The following RAB5C variants were observed in gnomAD, a reference collection of about 807,000 sequenced individuals.
RAB5C encodes the protein ras-related protein Rab-5C.
A neutral mutation model predicts 25.2 loss-of-function variants in RAB5C; 4 were observed. That is an observed-to-expected ratio of 0.16 (90% CI 0.08 to 0.36). The LOEUF is 0.36. RAB5C is among the 10% of genes least tolerant of loss of function. The pLI is 1.00. For missense variants in RAB5C, 199 were observed against 283.8 expected, an observed-to-expected ratio of 0.70 and a Z score of 2.15; for synonymous variants, 100 against 106.4, an observed-to-expected ratio of 0.94 and a Z score of 0.37.
At chr17:42,127,925 T>G (rs2144061022) in intron 4 of RAB5C, among the ~76,000 whole-genome samples, 1 of 149,402 alleles carries the variant, frequency 6.7e-6, no homozygotes, top group South Asian at 2.2e-4. Context: ...GCTCAAACAA[T>G]CCTCGTGCCT....
chr17:42,146,452 C>CA (rs2079635630), intron 1 of RAB5C, among the ~76,000 whole-genome samples: 2 of 152,018 alleles, frequency 1.3e-5, no homozygotes, highest in South Asian at 4.2e-4. Context: ...CCCGTCTCTA[C>CA]AAAAAAATCA....
intron 1 of RAB5C, among the ~76,000 whole-genome samples, chr17:42,144,350 G>A (rs913105783): frequency 6.6e-6 from 1 of 151,966 alleles, no homozygotes; most frequent in South Asian, 2.1e-4. Flanking sequence ...CCAGCTACTC[G>A]GGAGGCTCAG....
chr17:42,142,705 G>C (rs2079610286), intron 1 of RAB5C, among the ~76,000 whole-genome samples: 1 of 152,198 alleles, frequency 6.6e-6, no homozygotes, highest in Non-Finnish European at 1.5e-5. Context: ...TCCCAAGTTA[G>C]TGTTTCCAGC....
intron 1 of RAB5C, among the ~76,000 whole-genome samples, chr17:42,140,515 ATTTTTTTTTTTTTTTT>A (rs10553272): frequency 2.6e-4 from 7 of 26,634 alleles, no homozygotes; most frequent in African/African-American, 1.0e-3. Flanking sequence ...ATATATATAT[ATTTTTTTTTTTTTTTT>A]TTTTTTTTTT....
chr17:42,133,874 C>T (rs1353795914), intron 1 of RAB5C, among the ~76,000 whole-genome samples: 1 of 152,182 alleles, frequency 6.6e-6, no homozygotes, highest in Non-Finnish European at 1.5e-5. Context: ...GGTGAACAGA[C>T]TCTGGCCATC....
chr17:42,130,422 C>T lies in RAB5C; in HGVS notation c.81G>A (p.Leu27=). 6.2e-7 allele frequency: 1 copy of T among 1,614,192 alleles called. No homozygotes were observed. The highest frequency in any genetic ancestry group is 1.3e-5 in the African/African-American group (1 of 75,050). ...NKICQFKLVL[L]GESAVGKSSL... is the part of the protein sequence containing the mutation. ...TGGATTTGCCTACCGCAGACTCCCC[C>T]AGCAGAACCAGCTTAAATTGACAGA... is the stretch of plus-strand genomic sequence containing the variant. The change falls in exon 2 of 6, where the codon CTG becomes CTA. Residue 27 remains leucine (L), a synonymous_variant. Coordinates refer to ENST00000346213, the MANE Select transcript of RAB5C (RefSeq NM_004583.4).
chr17:42,141,128 A>G (rs1344467159), intron 1 of RAB5C, among the ~76,000 whole-genome samples: 1 of 152,134 alleles, frequency 6.6e-6, no homozygotes, highest in Non-Finnish European at 1.5e-5. Context: ...TGTGTCTGCC[A>G]TCTTTCTTAA....
At chr17:42,142,276 C>A (rs1279413528) in intron 1 of RAB5C, among the ~76,000 whole-genome samples, 1 of 151,834 alleles carries the variant, frequency 6.6e-6, no homozygotes, top group Non-Finnish European at 1.5e-5. Context: ...CTCAAGCAAT[C>A]CCCCCGCCTT....
chr17:42,127,789 A>C (rs758377702), intron 4 of RAB5C, among the ~76,000 whole-genome samples: 8 of 149,028 alleles, frequency 5.4e-5, no homozygotes, highest in African/African-American at 9.9e-5. Context: ...CAGCCTGCAG[A>C]GTATTGGGAT....
At chr17:42,131,488 A>G in intron 1 of RAB5C, 1 of 1,001,738 alleles carries the variant, frequency 1.0e-6, no homozygotes. Flanking sequence ...AGAAATACAC[A>G]CCAAAACAGA....
intron 1 of RAB5C, among the ~76,000 whole-genome samples, chr17:42,142,069 TAGCTCCCAAAACC>T (rs1230738147): frequency 6.6e-6 from 1 of 151,476 alleles, no homozygotes; most frequent in Non-Finnish European, 1.5e-5. Context: ...CTCCAGAGAC[TAGCTCCCAAAACC>T]ACAAAAATGG....
chr17:42,146,681 G>A (rs1054988861), intron 1 of RAB5C, among the ~76,000 whole-genome samples: 5 of 150,736 alleles, frequency 3.3e-5, no homozygotes, highest in Admixed American at 2.0e-4. Context: ...CCCAGGAGAC[G>A]GAGGTTGCAG....
chr17:42,134,373 C>T (rs2054515497), intron 1 of RAB5C, among the ~76,000 whole-genome samples: 1 of 152,084 alleles, frequency 6.6e-6, no homozygotes, highest in African/African-American at 2.4e-5. Flanking sequence ...TTCTTTGAGA[C>T]AAAAATCAAA....
At chr17:42,153,759 C>T (rs1171368696) in intron 1 of RAB5C, among the ~76,000 whole-genome samples, 2 of 152,224 alleles carry the variant, frequency 1.3e-5, no homozygotes, top group African/African-American at 4.8e-5. Context: ...TTTCACACAC[C>T]TAAGCCCCAA....
chr17:42,129,438 T>G (rs1250106541), intron 2 of RAB5C, among the ~76,000 whole-genome samples: 1 of 152,106 alleles, frequency 6.6e-6, no homozygotes, highest in African/African-American at 2.4e-5. Context: ...TGACCTTCAG[T>G]CACTAAGAGG....
At chr17:42,139,390 C>T (rs915272772) in intron 1 of RAB5C, among the ~76,000 whole-genome samples, 29 of 152,270 alleles carry the variant, frequency 1.9e-4, no homozygotes, top group African/African-American at 6.5e-4. Context: ...CAGGCCCTAA[C>T]GCTGACATTC....
At chr17:42,141,694 T>C (rs1471315849) in intron 1 of RAB5C, among the ~76,000 whole-genome samples, 2 of 152,166 alleles carry the variant, frequency 1.3e-5, no homozygotes, top group Admixed American at 1.3e-4. Flanking sequence ...AGGCACCACT[T>C]ACTAGGGTGG....
chr17:42,135,596 A>C (rs2144074940), intron 1 of RAB5C, among the ~76,000 whole-genome samples: 1 of 152,324 alleles, frequency 6.6e-6, no homozygotes, highest in East Asian at 1.9e-4. Context: ...AGTGCTGTGC[A>C]CAACTCGTAA....
chr17:42,140,581 T>C (rs2054588666), intron 1 of RAB5C, among the ~76,000 whole-genome samples: 1 of 139,000 alleles, frequency 7.2e-6, no homozygotes, highest in South Asian at 2.5e-4. Context: ...TGGAGTGCAG[T>C]GGCACAATCT....
Sources: gnomAD v4.1 joint callset for allele counts (sites outside exome capture counted in the v4.1 genomes callset) on GRCh38, gnomAD v4.1.1 for gene constraint, MANE v1.5 for transcripts, NCBI Gene and HGNC (gene_info 2026-07-23, HGNC 2026-07-21) for gene names.